Variants in SASH1 observed in about 807,000 individuals in gnomAD.
The protein encoded by SASH1 is SAM and SH3 domain containing 1, also known as SAM and SH3 domain-containing protein 1.
A neutral mutation model predicts 125.2 loss-of-function variants in SASH1; 44 were observed. That is an observed-to-expected ratio of 0.35 (90% CI 0.28 to 0.45). The LOEUF is 0.45. SASH1 is among the 20% of genes least tolerant of loss of function. SASH1 has a pLI of 1.00. For missense variants in SASH1, 1,426 were observed against 1,614.5 expected (o/e 0.88, Z 2.00); for synonymous variants, 639 against 649.1 (o/e 0.98, Z 0.24).
chr6:148,307,320 G>T (rs996587284), intron 1 of SASH1, among the ~76,000 whole-genome samples: 22 of 151,952 alleles, frequency 1.4e-4, no homozygotes, highest in African/African-American at 5.3e-4. Flanking sequence ...GTTTCGCCAT[G>T]TTGGTCAGGC....
At chr6:148,437,915 A>T (rs1451473508) in intron 2 of SASH1, among the ~76,000 whole-genome samples, 1 of 152,242 alleles carries the variant, frequency 6.6e-6, no homozygotes, top group Non-Finnish European at 1.5e-5. Flanking sequence ...TACGTTTGTG[A>T]TATGACATGG....
At position 148,519,612 on chromosome 6, in the gene SASH1, G is replaced by T. The variant is rs868824013; in HGVS notation, c.928G>T (p.Val310Leu). The T allele has an allele frequency of 1.9e-6, 3 of 1,614,018 alleles. No homozygotes were observed. The African/African-American group carries it at 4.0e-5, about 22-fold the overall frequency. The change falls in exon 10 of 20, where the codon GTG (valine) becomes TTG (leucine). Residue 310 changes from valine (V) to leucine (L), a missense_variant. Around this residue, in one of 3 missense-constraint regions of SASH1, gnomAD observed 567 missense variants for 575.6 expected, o/e 0.99. Coordinates refer to ENST00000367467, the MANE Select transcript of SASH1 (RefSeq NM_015278.5). This position sits in a 1 kb window ranked among gnomAD's most constrained non-coding sequence, Gnocchi z 4.8. Reference sequence around the variant, plus strand: ...TGAACGGTCCGCCCTCTACTCTGGCGTGCACAAGAAGCCCCTTTTCTTTGA... The same window carrying T: ...TGAACGGTCCGCCCTCTACTCTGGCTTGCACAAGAAGCCCCTTTTCTTTGA... ...LDERSALYSG[V>L]HKKPLFFDGS... is the part of the protein sequence containing the mutation.
At chr6:148,429,385 TAAAA>T (rs61460366) in intron 2 of SASH1, among the ~76,000 whole-genome samples, 24,974 of 73,330 alleles carry the variant, frequency 0.34, 3,978 homozygotes, top group South Asian at 0.45. Flanking sequence ...CCCTGTCTCT[TAAAA>T]AAAAAAAAAA....
the SASH1 span, among the ~76,000 whole-genome samples, chr6:148,202,769 C>T: frequency 3.9e-5 from 6 of 152,092 alleles, no homozygotes; most frequent in Admixed American, 6.5e-5. Flanking sequence ...GCCTGGCCAA[C>T]GTGGCGAAAT....
intron 1 of SASH1, among the ~76,000 whole-genome samples, chr6:148,301,454 C>T (rs1779942739): frequency 6.6e-6 from 1 of 151,950 alleles, no homozygotes; most frequent in African/African-American, 2.4e-5. Flanking sequence ...TTGGTAGAGA[C>T]AGGGTTTCGC....
intron 2 of SASH1, among the ~76,000 whole-genome samples, chr6:148,411,413 A>G (rs544468548): frequency 6.6e-6 from 1 of 152,268 alleles, no homozygotes; most frequent in African/African-American, 2.4e-5. Flanking sequence ...ATGCAATTAT[A>G]TCCAGTCAAC....
At chr6:148,496,413 T>C (rs1249827922) in intron 8 of SASH1, among the ~76,000 whole-genome samples, 1 of 152,230 alleles carries the variant, frequency 6.6e-6, no homozygotes, top group East Asian at 1.9e-4. Context: ...CAGAAGAGTT[T>C]ACTTGTTTGA....
At chr6:148,417,240 A>C (rs1784857851) in intron 2 of SASH1, among the ~76,000 whole-genome samples, 1 of 152,206 alleles carries the variant, frequency 6.6e-6, no homozygotes, top group South Asian at 2.1e-4. Flanking sequence ...GCCTGTTATC[A>C]GCCCTGGAGC....
chr6:148,509,722 G>A (rs551223234), intron 8 of SASH1, among the ~76,000 whole-genome samples: 1 of 152,374 alleles, frequency 6.6e-6, no homozygotes, highest in South Asian at 2.1e-4. Context: ...CCGACCAGCA[G>A]TGACAGGTTT....
chr6:148,199,911 C>T, the SASH1 span, among the ~76,000 whole-genome samples: 306 of 152,220 alleles, frequency 2.0e-3, 3 homozygotes, highest in Middle Eastern at 0.014. Flanking sequence ...TGTGAAGATG[C>T]TCATCAGTCA....
chr6:148,455,955 C>G (rs1054901518), intron 4 of SASH1, among the ~76,000 whole-genome samples: 4 of 152,040 alleles, frequency 2.6e-5, no homozygotes, highest in African/African-American at 9.6e-5. Context: ...CTGCTGCCCC[C>G]AGGGCAGCTG....
chr6:148,487,090 T>TACACACAC (rs1448530373), intron 7 of SASH1, among the ~76,000 whole-genome samples: 28 of 100,708 alleles, frequency 2.8e-4, no homozygotes, highest in African/African-American at 9.6e-4. Context: ...AACACATATA[T>TACACACAC]ATACACACAC....
In SASH1 at chr6:148,296,835, T is replaced by G. The variant is rs1314952413; in HGVS notation, n.74+24458T>G. On this transcript the variant is annotated intron_variant and non_coding_transcript_variant, in intron 1 of 3. Transcript: ENST00000367469. ...TGGCATGGAGGATACCCAAGTCTGA[T>G]GTAGTTTACTACTCTGCCCTCACTG... Among the ~76,000 whole-genome samples, 4 of 152,336 alleles carry G rather than the reference T, an allele frequency of 2.6e-5. No individual in the cohort carries two copies. The East Asian group carries it at 5.8e-4, about 22-fold the overall frequency.
chr6:148,273,776 G>C (rs1176686190), intron 1 of SASH1, among the ~76,000 whole-genome samples: 1 of 152,208 alleles, frequency 6.6e-6, no homozygotes, highest in South Asian at 2.1e-4. Context: ...GCAAGTTGAG[G>C]CCTCTCAGGT....
rs1288280983 is a variant in SASH1 at position 148,349,101 on chromosome 6, A to G, written c.156+5878A>G. Among the ~76,000 whole-genome samples the G allele has an allele frequency of 2.0e-5, 3 of 152,100 alleles. No homozygotes were observed. The East Asian group carries it at 5.8e-4, about 29-fold the overall frequency. On this transcript the variant is annotated intron_variant, in intron 1 of 19. Transcript: ENST00000367467. Reference sequence around the variant, plus strand: ...CTTCCCCACAGAGCAAAGAGGGACAAAGGTGGAAGGGCACAGATCTCCCAG... The same window carrying G: ...CTTCCCCACAGAGCAAAGAGGGACAGAGGTGGAAGGGCACAGATCTCCCAG...
At chr6:148,196,104 G>T in the SASH1 span, among the ~76,000 whole-genome samples, 2,747 of 152,240 alleles carry the variant, frequency 0.018, 34 homozygotes, top group East Asian at 0.059. Context: ...GGATCAGAGT[G>T]GTTCTTCCAT....
the SASH1 span, among the ~76,000 whole-genome samples, chr6:148,246,683 C>A: frequency 6.6e-6 from 1 of 152,190 alleles, no homozygotes; most frequent in East Asian, 1.9e-4. Context: ...CAGTCAGGTT[C>A]ATAATTTATC....
chr6:148,339,353 A>T (rs1203940512), upstream of SASH1, among the ~76,000 whole-genome samples: 1 of 151,916 alleles, frequency 6.6e-6, no homozygotes, highest in Non-Finnish European at 1.5e-5. Flanking sequence ...CTCAAATTTC[A>T]CATTCTATGT....
chr6:148,290,900 A>C (rs955545476), intron 1 of SASH1, among the ~76,000 whole-genome samples: 2 of 148,830 alleles, frequency 1.3e-5, no homozygotes, highest in Non-Finnish European at 3.0e-5. Context: ...AAAAAAAAAG[A>C]AAGAGAAAAA....
Sources: allele counts gnomAD v4.1 joint callset (sites outside exome capture counted in the v4.1 genomes callset), GRCh38; gene constraint gnomAD v4.1.1; regional missense constraint gnomAD v4.1.1; non-coding constraint Gnocchi (gnomAD v3.1); transcripts MANE v1.5; gene names NCBI Gene and HGNC (gene_info 2026-07-23, HGNC 2026-07-21).